The following DCC variants were observed in gnomAD, a reference collection of about 807,000 sequenced individuals.
The protein encoded by DCC is DCC netrin 1 receptor, also known as netrin receptor DCC.
In DCC, 58 loss-of-function variants were observed where a neutral mutation model predicts 172.5. The ratio of observed to expected loss-of-function variants is 0.34; its 90% CI spans 0.27 to 0.42. The LOEUF is 0.42. DCC is among the 10% of genes least tolerant of loss of function. The pLI is 1.00. For missense variants in DCC, 1,740 were observed against 1,791.0 expected (o/e 0.97, Z 0.51); for synonymous variants, 709 against 644.5 (o/e 1.10, Z -1.52).
chr18:53,133,746 C>T (rs1399428259), intron 7 of DCC, among the ~76,000 whole-genome samples: 1 of 152,158 alleles, frequency 6.6e-6, no homozygotes, highest in Non-Finnish European at 1.5e-5. Context: ...TGCTGAAAGG[C>T]TTGTTTATGA....
chr18:52,560,216 A>C (rs1395866289), intron 1 of DCC, among the ~76,000 whole-genome samples: 1 of 152,232 alleles, frequency 6.6e-6, no homozygotes, highest in Non-Finnish European at 1.5e-5. Flanking sequence ...CCTCTGTCGC[A>C]GGAAAGCAGC....
At chr18:53,435,031 G>A in intron 21 of DCC, 113 bp from the exon 22 acceptor site, 1 of 821,002 alleles carries the variant, frequency 1.2e-6, no homozygotes, top group Non-Finnish European at 2.1e-6. Flanking sequence ...AGGCTTTCTT[G>A]GGGGTGATCA....
At chr18:52,914,970 TA>T (rs2040019810) in intron 3 of DCC, among the ~76,000 whole-genome samples, 1 of 152,050 alleles carries the variant, frequency 6.6e-6, no homozygotes, top group South Asian at 2.1e-4. Context: ...AGGAATTTAA[TA>T]AAGAAAACCG....
chr18:53,197,773 GATT>G (rs1239213644), intron 9 of DCC, among the ~76,000 whole-genome samples: 1 of 151,912 alleles, frequency 6.6e-6, no homozygotes, highest in Non-Finnish European at 1.5e-5. Flanking sequence ...GTTTTGTTCT[GATT>G]ATTGCAAATA....
intron 5 of DCC, among the ~76,000 whole-genome samples, chr18:52,935,438 T>C (rs1012552884): frequency 1.3e-5 from 2 of 152,150 alleles, no homozygotes; most frequent in African/African-American, 4.8e-5. Flanking sequence ...TTCTCAGATA[T>C]GCTCTATGAA....
intron 7 of DCC, among the ~76,000 whole-genome samples, chr18:53,132,417 A>G (rs1206545943): frequency 6.6e-6 from 1 of 152,018 alleles, no homozygotes; most frequent in South Asian, 2.1e-4. Context: ...TTCACATTTC[A>G]TCTAGAAAGA....
At chr18:53,265,490 T>C (rs2056662851) in intron 12 of DCC, among the ~76,000 whole-genome samples, 1 of 152,224 alleles carries the variant, frequency 6.6e-6, no homozygotes, top group South Asian at 2.1e-4. Context: ...AAAAGAGGTT[T>C]TCTCTGCTAT....
At chr18:52,671,533 T>G (rs1206762210) in intron 1 of DCC, among the ~76,000 whole-genome samples, 43 of 77,396 alleles carry the variant, frequency 5.6e-4, no homozygotes, top group African/African-American at 1.8e-3. Context: ...TATGCCAACC[T>G]TTTTTTTTTT....
chr18:52,700,146 CCA>C (rs920759662), intron 1 of DCC, among the ~76,000 whole-genome samples: 91 of 151,520 alleles, frequency 6.0e-4, no homozygotes, highest in Middle Eastern at 6.8e-3. Flanking sequence ...CTCTCTTGCC[CCA>C]CACACACACA....
At chr18:52,935,624 A>T (rs2040370405) in intron 5 of DCC, among the ~76,000 whole-genome samples, 1 of 151,852 alleles carries the variant, frequency 6.6e-6, no homozygotes, top group Non-Finnish European at 1.5e-5. Flanking sequence ...CTATTTTTTG[A>T]GCATGTATTA....
intron 8 of DCC, among the ~76,000 whole-genome samples, chr18:53,173,521 T>C (rs1210242880): frequency 1.3e-5 from 2 of 151,972 alleles, no homozygotes; most frequent in African/African-American, 4.8e-5. Flanking sequence ...AAGGCAGGGG[T>C]TGCAATCCTA....
chr18:52,787,344 T>G (rs1411235219), intron 2 of DCC, among the ~76,000 whole-genome samples: 1 of 152,116 alleles, frequency 6.6e-6, no homozygotes, highest in Non-Finnish European at 1.5e-5. Context: ...GGCTTGATGA[T>G]AAACCACATT....
intron 2 of DCC, among the ~76,000 whole-genome samples, chr18:52,768,627 C>T (rs1283948801): frequency 1.3e-5 from 2 of 152,098 alleles, no homozygotes; most frequent in African/African-American, 2.4e-5. Flanking sequence ...GGCATAAGAC[C>T]TTTTTCTAAA....
intron 7 of DCC, among the ~76,000 whole-genome samples, chr18:53,109,427 A>T (rs1263510371): frequency 1.3e-5 from 2 of 151,574 alleles, no homozygotes; most frequent in African/African-American, 2.4e-5. Context: ...ATTATTTTTT[A>T]AAAATATTTT....
chr18:53,188,931 C>T (rs886151675), intron 9 of DCC, among the ~76,000 whole-genome samples: 3 of 152,140 alleles, frequency 2.0e-5, no homozygotes, highest in Non-Finnish European at 2.9e-5. Context: ...ACTTGGAATG[C>T]ACCAAAATCC....
chr18:52,892,172 CTTTTT>C (rs2039660237), intron 2 of DCC, among the ~76,000 whole-genome samples: 1 of 152,038 alleles, frequency 6.6e-6, no homozygotes, highest in African/African-American at 2.4e-5. Context: ...TTTAATACTT[CTTTTT>C]AAGTTCATGG....
intron 1 of DCC, among the ~76,000 whole-genome samples, chr18:52,696,496 G>T (rs905299785): frequency 6.6e-6 from 1 of 152,186 alleles, no homozygotes; most frequent in Non-Finnish European, 1.5e-5. Flanking sequence ...CAGTTTTTGT[G>T]TTCTGAAGTT....
intron 5 of DCC, among the ~76,000 whole-genome samples, chr18:53,046,359 A>G (rs2042237295): frequency 6.6e-6 from 1 of 151,886 alleles, no homozygotes; most frequent in South Asian, 2.1e-4. Flanking sequence ...GTGAAAAAAT[A>G]AAAAGCAAAG....
intron 7 of DCC, among the ~76,000 whole-genome samples, chr18:53,073,603 A>C (rs2144113588): frequency 6.6e-6 from 1 of 152,308 alleles, no homozygotes; most frequent in East Asian, 1.9e-4. Context: ...CATTGGTTAA[A>C]AAAAATAGTT....
Sources: gnomAD v4.1 joint callset for allele counts (sites outside exome capture counted in the v4.1 genomes callset) on GRCh38, gnomAD v4.1.1 for gene constraint, MANE v1.5 for transcripts, NCBI Gene and HGNC (gene_info 2026-07-23, HGNC 2026-07-21) for gene names.